Variants in NELL2 observed in about 807,000 individuals in gnomAD.
NELL2 encodes the protein neural EGFL like 2.
NELL2 carries 41 observed loss-of-function variants against 109.6 expected under a neutral mutation model. The ratio of observed to expected loss-of-function variants is 0.37; its 90% CI spans 0.29 to 0.49. The LOEUF is 0.49. NELL2 is among the 20% of genes least tolerant of loss of function. The pLI, the probability that NELL2 is intolerant of heterozygous loss-of-function variation, is 0.98. For missense variants in NELL2, 900 were observed against 1,008.3 expected (o/e 0.89, Z 1.45); for synonymous variants, 355 against 344.7 (o/e 1.03, Z -0.33).
intron 11 of NELL2, among the ~76,000 whole-genome samples, chr12:44,707,031 C>A (rs956097775): frequency 1.3e-5 from 2 of 152,086 alleles, no homozygotes; most frequent in African/African-American, 4.8e-5. Context: ...AAAGAGAATA[C>A]AATAATTTTG....
intron 9 of NELL2, among the ~76,000 whole-genome samples, chr12:44,731,139 A>ATTGTCCTGTCTTGT: frequency 6.6e-6 from 1 of 152,138 alleles, no homozygotes; most frequent in Non-Finnish European, 1.5e-5. Context: ...GCCCAGGACA[A>ATTGTCCTGTCTTGT]GATGACTTCA....
intron 2 of NELL2, among the ~76,000 whole-genome samples, chr12:44,864,963 T>C (rs1460560541): frequency 6.8e-6 from 1 of 146,212 alleles, no homozygotes; most frequent in Admixed American, 6.9e-5. Flanking sequence ...CCACAATGGT[T>C]GAACTAGTTT....
chr12:44,693,868 T>C (rs987694596), intron 12 of NELL2, among the ~76,000 whole-genome samples: 5 of 152,208 alleles, frequency 3.3e-5, no homozygotes, highest in Admixed American at 2.6e-4. Flanking sequence ...ATTGTAAATA[T>C]GTTACACAGA....
chr12:44,616,677 T>C (rs979175339), intron 13 of NELL2, among the ~76,000 whole-genome samples: 1 of 152,208 alleles, frequency 6.6e-6, no homozygotes, highest in Non-Finnish European at 1.5e-5. Flanking sequence ...CTAATATTTC[T>C]GTAGACTAGA....
At chr12:44,733,775 A>C (rs1346104801) in intron 9 of NELL2, among the ~76,000 whole-genome samples, 1 of 152,034 alleles carries the variant, frequency 6.6e-6, no homozygotes, top group Admixed American at 6.6e-5. Context: ...GGAGGAAGGA[A>C]GGAAAGAAGG....
At chr12:44,773,346 G>A (rs1941623514) in intron 9 of NELL2, among the ~76,000 whole-genome samples, 1 of 152,062 alleles carries the variant, frequency 6.6e-6, no homozygotes, top group Non-Finnish European at 1.5e-5. Flanking sequence ...CGTAGTGGCA[G>A]GCACCTGTAG....
At position 44,831,859 on chromosome 12, in the gene NELL2, A is replaced by G. The variant is rs537295976; in HGVS notation, c.185-15723T>C. 5.5e-4 allele frequency among the ~76,000 whole-genome samples: 83 copies of G among 152,258 alleles called. 1 individual carries two copies. The South Asian group carries it at 0.017, about 31-fold the overall frequency. Reference sequence around the variant, plus strand: ...AGCCCGGAACCACCTGCCTGCCTCTAGATTGTTATATAAAAAAGAAATAAT... The same window carrying G: ...AGCCCGGAACCACCTGCCTGCCTCTGGATTGTTATATAAAAAAGAAATAAT... On this transcript the variant is annotated intron_variant, in intron 2 of 19. Transcript: ENST00000429094.
intron 12 of NELL2, among the ~76,000 whole-genome samples, chr12:44,673,932 CTT>C (rs1297200451): frequency 6.6e-6 from 1 of 151,434 alleles, no homozygotes; most frequent in African/African-American, 2.4e-5. Flanking sequence ...CTCTGAGACA[CTT>C]TAAAAAAAAA....
At chr12:44,819,834 G>A (rs1474557233) in intron 2 of NELL2, among the ~76,000 whole-genome samples, 1 of 152,154 alleles carries the variant, frequency 6.6e-6, no homozygotes, top group Non-Finnish European at 1.5e-5. Context: ...ATGCTACAGG[G>A]ATAAGAACAA....
intron 1 of NELL2, among the ~76,000 whole-genome samples, chr12:44,891,562 A>ATT (rs1181621778): frequency 6.6e-6 from 1 of 152,092 alleles, no homozygotes; most frequent in Non-Finnish European, 1.5e-5. Flanking sequence ...TTCATTCTTA[A>ATT]TTTTTAAAGT....
intron 15 of NELL2, 48 bp downstream of exon 15, chr12:44,607,121 G>A: frequency 6.8e-7 from 1 of 1,480,790 alleles, no homozygotes; most frequent in Non-Finnish European, 9.3e-7. Context: ...ATTACTTTAT[G>A]CATTGGCATA....
At chr12:44,635,508 C>A (rs931853714) in intron 13 of NELL2, among the ~76,000 whole-genome samples, 1 of 152,108 alleles carries the variant, frequency 6.6e-6, no homozygotes, top group Non-Finnish European at 1.5e-5. Flanking sequence ...ACATGGCTAG[C>A]CAGTTTTCCC....
intron 14 of NELL2, among the ~76,000 whole-genome samples, chr12:44,610,590 G>C (rs1945582565): frequency 6.6e-6 from 1 of 151,942 alleles, no homozygotes; most frequent in African/African-American, 2.4e-5. Context: ...TGATAGAAAG[G>C]AACAGAGATG....
At position 44,894,343 on chromosome 12, in the gene NELL2, G is replaced by A. The variant is rs564330374; in HGVS notation, c.39-18443C>T. Among the ~76,000 whole-genome samples, 3 of 152,168 alleles carry A rather than the reference G, an allele frequency of 2.0e-5. No individual in the cohort carries two copies. The South Asian group carries it at 6.2e-4, about 32-fold the overall frequency. On this transcript the variant is annotated intron_variant, in intron 1 of 20. Transcript: ENST00000333837. Reference sequence around the variant, plus strand: ...TTGTTCTATTAACAATAACAATAGAGAAACCTGTCTCACCTAAGCAAATTG... The same window carrying A: ...TTGTTCTATTAACAATAACAATAGAAAAACCTGTCTCACCTAAGCAAATTG...
chr12:44,837,381 T>A (rs576583898), intron 2 of NELL2, among the ~76,000 whole-genome samples: 1 of 152,246 alleles, frequency 6.6e-6, no homozygotes, highest in Admixed American at 6.5e-5. Context: ...CTAAAATGTC[T>A]CCAGACAATG....
chr12:44,860,953 A>G (rs1944823314), intron 2 of NELL2, among the ~76,000 whole-genome samples: 1 of 152,164 alleles, frequency 6.6e-6, no homozygotes, highest in African/African-American at 2.4e-5. Context: ...ATCTTAATTA[A>G]TTCAGAAGTA....
chr12:44,631,895 T>A (rs1183825464), intron 13 of NELL2, among the ~76,000 whole-genome samples: 3 of 152,090 alleles, frequency 2.0e-5, no homozygotes, highest in Non-Finnish European at 4.4e-5. Flanking sequence ...CAGACTGGTA[T>A]ATCTTATGAG....
chr12:44,816,297 T>C (rs1943348035), intron 2 of NELL2, among the ~76,000 whole-genome samples, 161 bp from the exon 3 acceptor site: 1 of 152,202 alleles, frequency 6.6e-6, no homozygotes, highest in Non-Finnish European at 1.5e-5. Context: ...AAAGACTTTA[T>C]GCTATATATA....
At chr12:44,776,852 T>A (rs1941775479) in intron 7 of NELL2, among the ~76,000 whole-genome samples, 190 bp downstream of exon 7, 1 of 152,224 alleles carries the variant, frequency 6.6e-6, no homozygotes, top group South Asian at 2.1e-4. Flanking sequence ...TTTACTGAAT[T>A]ATTTGTTATA....
Sources: allele counts gnomAD v4.1 joint callset (sites outside exome capture counted in the v4.1 genomes callset), GRCh38; gene constraint gnomAD v4.1.1; transcripts MANE v1.5; gene names NCBI Gene and HGNC (gene_info 2026-07-23, HGNC 2026-07-21).